RPS3: variants seen among roughly 807,000 people sequenced by gnomAD.
RPS3 encodes ribosomal protein S3, also known as small ribosomal subunit protein uS3.
In RPS3, 2 loss-of-function variants were observed where a neutral mutation model predicts 25.8. The ratio of observed to expected loss-of-function variants is 0.08; its 90% CI spans 0.03 to 0.24. The LOEUF (loss-of-function observed/expected upper bound fraction) is 0.24, where lower values mean the gene tolerates loss of function less well. Among genes scored for constraint, RPS3 ranks in the 10% least tolerant of loss-of-function variants. The pLI is 1.00. For synonymous variants in RPS3, 114 were observed against 114.2 expected, an observed-to-expected ratio of 1.00 and a Z score of 0.01; for missense variants, 107 against 307.1, an observed-to-expected ratio of 0.35 and a Z score of 4.87.
chr11:75,402,733 GTCT>G (rs1471063954), intron 4 of RPS3: 2 of 210,838 alleles, frequency 9.5e-6, no homozygotes, highest in Non-Finnish European at 1.9e-5. Context: ...ACTCCTGTTG[GTCT>G]TCTTGAGAAG....
rs1193061325 is a variant in RPS3, at chr11:75,404,824, C to T, written c.691C>T (p.Pro231Ser). Residue 231 changes from proline (P) to serine (S), a missense_variant, in exon 6 of 7, where the codon CCA (proline) becomes TCA (serine). By Grantham distance (74) the Pro-to-Ser change is moderately conservative (BLOSUM62 -1). Transcript: ENST00000531188. This position sits in a 1 kb window ranked among gnomAD's most constrained non-coding sequence, Gnocchi z 4.6. ...CATCTCAGAACAGAAGGGTGGGAAG[C>T]CAGAGCCGCCTGCCATGCCCCAGCC... ...TPISEQKGGKPEPPAMPQPVP... is the reference protein window; with the variant it reads ...TPISEQKGGKSEPPAMPQPVP... 1.2e-6 allele frequency: 2 copies of T among 1,612,618 alleles called. No individual in the cohort carries two copies. Among genetic ancestry groups the T allele is most frequent in the African/African-American group, 2.7e-5 (2 of 74,886 alleles).
Position 75,406,005 on chromosome 11 carries a change from A to T in RPS3, c.*395A>T, listed in dbSNP as rs146526678. On this transcript the variant is annotated 3_prime_UTR_variant, in exon 7 of 7. Transcript: ENST00000531188. ...ATAAATGGCCATTATATTTTGTGTC[A>T]TGCTGTGCTCTAAGTGTTCTTTACA... 1 of 170,406 alleles carries T rather than the reference A, an allele frequency of 5.9e-6. No individual in the cohort carries two copies. Among genetic ancestry groups the T allele is most frequent in the Admixed American group, 6.1e-5 (1 of 16,432 alleles). The allele number at this position is 170,406 out of a possible 1,614,324, so 10.6% of individuals were successfully genotyped here.
downstream of RPS3, among the ~76,000 whole-genome samples, chr11:75,408,164 A>G (rs1020649542): frequency 6.6e-6 from 1 of 152,230 alleles, no homozygotes; most frequent in African/African-American, 2.4e-5. Context: ...TAGTGTATAG[A>G]TTATTGAATT....
intron 6 of RPS3, among the ~76,000 whole-genome samples, chr11:75,412,705 G>A (rs1948368044): frequency 6.6e-6 from 1 of 152,238 alleles, no homozygotes; most frequent in South Asian, 2.1e-4. Context: ...TTTTCTTTCT[G>A]TCAGGGCTTC....
chr11:75,404,576 CA>C lies in RPS3; in HGVS notation c.539-95del, dbSNP rs1346709146. 9 of 1,213,176 alleles carry C rather than the reference CA, an allele frequency of 7.4e-6. No individual in the cohort carries two copies. In the Admixed American group the frequency reaches 1.4e-4, roughly 18 times the overall value. The allele number at this position is 1,213,176 out of a possible 1,614,324, so 75.2% of individuals were successfully genotyped here. ...CATTTGTCTGAGAAGGGTCCAGACC[CA>C]GGGGTGCTTGAGTAAACTGCTTGCT... is the stretch of plus-strand genomic sequence containing the variant. On this transcript the variant is annotated intron_variant, in intron 5 of 6. Coordinates refer to ENST00000531188, the MANE Select transcript of RPS3 (RefSeq NM_001005.5). The surrounding 1 kb of genome is among the most constrained non-coding windows in gnomAD (Gnocchi z 4.6).
At position 75,404,461 on chromosome 11, in the gene RPS3, C is replaced by A. The variant is rs368660741; in HGVS notation, c.539-211C>A. The A allele has an allele frequency of 1.8e-5, 14 of 792,224 alleles. No individual in the cohort carries two copies. The African/African-American group carries it at 2.2e-4, about 12-fold the overall frequency. 49.1% of individuals were successfully genotyped at this position (792,224 alleles called of 1,614,324 possible). A position where few individuals can be genotyped will look rare whatever the true frequency, so the allele number is the denominator to read the frequency against. On this transcript the variant is annotated intron_variant, in intron 5 of 6. Coordinates refer to ENST00000531188, the MANE Select transcript of RPS3 (RefSeq NM_001005.5). The surrounding 1 kb of genome is among the most constrained non-coding windows in gnomAD (Gnocchi z 4.6). ...GATGACGAGTCAGAAAGGTCACGTC[C>A]TGCTCTTGGTCCTTGTCAGTGCCAT... is the stretch of plus-strand genomic sequence containing the variant.
intron 2 of RPS3, 135 bp from the exon 3 acceptor site, chr11:75,401,505 G>A (rs1948209597): frequency 4.6e-6 from 3 of 652,090 alleles, no homozygotes; most frequent in East Asian, 2.7e-5. Flanking sequence ...AAAAAGCTGC[G>A]TTTTAAAAAT....
downstream of RPS3, among the ~76,000 whole-genome samples, chr11:75,408,809 TAC>T (rs924967155): frequency 9.8e-5 from 15 of 152,318 alleles, no homozygotes; most frequent in African/African-American, 3.4e-4. Context: ...GTGCTGGGAT[TAC>T]AGGCGTGAGC....
At chr11:75,416,248 T>C (rs536895402) in intron 6 of RPS3, among the ~76,000 whole-genome samples, 10 of 152,294 alleles carry the variant, frequency 6.6e-5, no homozygotes, top group Non-Finnish European at 1.3e-4. Flanking sequence ...CTATTACCAC[T>C]ACTTAAGCAT....
rs905599220 is a variant in RPS3, at chr11:75,405,874, C to T, written c.*264C>T. On this transcript the variant is annotated 3_prime_UTR_variant, in exon 7 of 7. Coordinates refer to ENST00000531188, the MANE Select transcript of RPS3 (RefSeq NM_001005.5). ...AGAAGGCTGATAGCAAGCAAGGCAG[C>T]ACCTTGATTCGTTGTCCTGTAGTTC... The T allele has an allele frequency of 1.2e-5, 3 of 248,340 alleles. No individual in the cohort carries two copies. The highest frequency in any genetic ancestry group is 4.5e-5 in the African/African-American group (2 of 44,134). The allele number at this position is 248,340 out of a possible 1,614,324, so 15.4% of individuals were successfully genotyped here. A position where few individuals can be genotyped will look rare whatever the true frequency, so the allele number is the denominator to read the frequency against.
chr11:75,403,427 GGGCCTGGA>G (rs1423917252), intron 4 of RPS3: 9 of 152,310 alleles, frequency 5.9e-5, no homozygotes, highest in African/African-American at 2.2e-4. Flanking sequence ...TAATGTGAAA[GGGCCTGGA>G]GGTGGCTAGC....
downstream of RPS3, among the ~76,000 whole-genome samples, chr11:75,411,117 C>G (rs1261744510): frequency 6.6e-6 from 1 of 152,022 alleles, no homozygotes; most frequent in East Asian, 1.9e-4. Flanking sequence ...ACCTCGTGAT[C>G]TGCCCACCTC....
downstream of RPS3, among the ~76,000 whole-genome samples, chr11:75,410,795 C>G (rs1373799666): frequency 6.6e-6 from 1 of 152,218 alleles, no homozygotes; most frequent in Admixed American, 6.5e-5. Flanking sequence ...ACCAGCCCGG[C>G]CAACACAGCA....
chr11:75,402,020 A>G (rs2067058454), intron 3 of RPS3: 1 of 547,154 alleles, frequency 1.8e-6, no homozygotes, highest in East Asian at 3.1e-5. Context: ...AGGGCAAGGA[A>G]CCTGCATTGT....
At chr11:75,407,327 C>T (rs541362716), downstream of RPS3, among the ~76,000 whole-genome samples, 3 of 151,522 alleles carry the variant, frequency 2.0e-5, no homozygotes, top group African/African-American at 7.3e-5. Context: ...TAGTAGAGAC[C>T]GGGTTTCCCC....
intron 6 of RPS3, among the ~76,000 whole-genome samples, chr11:75,416,460 A>AT (rs1180090052): frequency 0.25 from 33,370 of 132,536 alleles, 6,098 homozygotes; most frequent in African/African-American, 0.5. Context: ...GATTATTTCT[A>AT]TTTTTTTTTT....
chr11:75,402,166 G>A, intron 3 of RPS3, 186 bp from the exon 4 acceptor site: 1 of 807,370 alleles, frequency 1.2e-6, no homozygotes. Flanking sequence ...ACTACTGGTA[G>A]CGCAAAAAAT....
At position 75,401,699 on chromosome 11, in the gene RPS3, A is replaced by G. The variant is rs11546235; in HGVS notation, c.221A>G (p.Gln74Arg). ...RRIRELTAVV[Q>R]KRFGFPEGSV... The stretch of plus-strand genomic sequence containing the variant: ...ATTCGGGAACTGACTGCTGTAGTTC[A>G]GAAGAGGTTTGGCTTTCCAGAGGGC... Residue 74 changes from glutamine (Q) to arginine (R), a missense_variant, in exon 3 of 7, where the codon CAG (glutamine) becomes CGG (arginine). Coordinates refer to ENST00000531188, the MANE Select transcript of RPS3 (RefSeq NM_001005.5). 6.2e-7 allele frequency: 1 copy of G among 1,613,304 alleles called. No homozygotes were observed. Among genetic ancestry groups the G allele is most frequent in the Non-Finnish European group, 8.5e-7 (1 of 1,179,198 alleles).
intron 6 of RPS3, among the ~76,000 whole-genome samples, chr11:75,418,508 TAAAA>T (rs1463001364): frequency 6.6e-6 from 1 of 152,172 alleles, no homozygotes; most frequent in Non-Finnish European, 1.5e-5. Flanking sequence ...AAAAATTTTT[TAAAA>T]AATAAAGTAC....
Sources: allele counts gnomAD v4.1 joint callset (sites outside exome capture counted in the v4.1 genomes callset), GRCh38; gene constraint gnomAD v4.1.1; non-coding constraint Gnocchi (gnomAD v3.1); transcripts MANE v1.5; gene names NCBI Gene and HGNC (gene_info 2026-07-23, HGNC 2026-07-21).